Variants in CIMIP2A observed in about 807,000 individuals in gnomAD.
CIMIP2A encodes family with sequence similarity 166 member A.
At chr9:137,248,609 G>A in the CIMIP2A span, among the ~76,000 whole-genome samples, 4 of 150,430 alleles carry the variant, frequency 2.7e-5, no homozygotes, top group East Asian at 2.0e-4. Context: ...CTATAATTGC[G>A]GTGCTTTCGG....
At chr9:137,245,666 T>G in the CIMIP2A span, 2 of 1,606,512 alleles carry the variant, frequency 1.2e-6, no homozygotes, top group Non-Finnish European at 1.7e-6. Context: ...TAGGGCTCCG[T>G]CAGGTCTTGG....
the CIMIP2A span, chr9:137,252,581 T>C: frequency 2.1e-6 from 3 of 1,455,806 alleles, no homozygotes; most frequent in African/African-American, 2.8e-5. Context: ...GGGCTGGGGG[T>C]TCCAGTGGGG....
At chr9:137,251,363 G>C in the CIMIP2A span, 2 of 1,613,490 alleles carry the variant, frequency 1.2e-6, no homozygotes, top group Non-Finnish European at 1.7e-6. Context: ...TGGACCCATG[G>C]TCACCTGAGG....
At chr9:137,244,135 G>GGGGT in the CIMIP2A span, 1 of 1,593,890 alleles carries the variant, frequency 6.3e-7, no homozygotes, top group Non-Finnish European at 8.6e-7. Flanking sequence ...CACATTGGCC[G>GGGGT]GGGTGTGTCC....
chr9:137,251,647 G>A, the CIMIP2A span: 5 of 1,464,148 alleles, frequency 3.4e-6, no homozygotes, highest in South Asian at 2.6e-5. Context: ...GGAGCAGCCG[G>A]GGGCTGAGGG....
the CIMIP2A span, chr9:137,251,682 G>A: frequency 1.3e-6 from 2 of 1,533,024 alleles, no homozygotes; most frequent in South Asian, 1.2e-5. Context: ...AGGCTGTGGG[G>A]CATGTGGCTG....
At chr9:137,244,878 A>G in the CIMIP2A span, 3 of 1,569,794 alleles carry the variant, frequency 1.9e-6, no homozygotes, top group African/African-American at 4.1e-5. Flanking sequence ...GATGTGGCCA[A>G]ATGGGAACAG....
the CIMIP2A span, among the ~76,000 whole-genome samples, chr9:137,247,194 A>C: frequency 6.6e-6 from 1 of 152,238 alleles, no homozygotes; most frequent in East Asian, 1.9e-4. Flanking sequence ...CTGAGACAGG[A>C]GAATCGCTTG....
chr9:137,247,330 G>GGA, the CIMIP2A span, among the ~76,000 whole-genome samples: 1 of 152,254 alleles, frequency 6.6e-6, no homozygotes, highest in Non-Finnish European at 1.5e-5. Flanking sequence ...AGTCCTCTCT[G>GGA]GAGTGGGCGT....
At chr9:137,254,415 C>T in the CIMIP2A span, among the ~76,000 whole-genome samples, 13 of 152,274 alleles carry the variant, frequency 8.5e-5, no homozygotes, top group Admixed American at 6.5e-4. Context: ...GCTCTGCTCA[C>T]GGCTGCACCA....
the CIMIP2A span, chr9:137,251,858 G>A: frequency 5.6e-6 from 9 of 1,608,632 alleles, no homozygotes; most frequent in Non-Finnish European, 7.6e-6. Context: ...CCCCCCAGGA[G>A]TCCCTGCCCA....
At chr9:137,251,660 A>G in the CIMIP2A span, 1 of 1,492,128 alleles carries the variant, frequency 6.7e-7, no homozygotes, top group East Asian at 2.5e-5. Flanking sequence ...GCTGAGGGAC[A>G]ATAGAGGGGA....
the CIMIP2A span, chr9:137,252,670 G>A: frequency 4.5e-6 from 7 of 1,545,288 alleles, no homozygotes; most frequent in African/African-American, 4.1e-5. Context: ...AGTGGCCCTC[G>A]CCAGCCCACT....
chr9:137,252,840 C>A, the CIMIP2A span: 1 of 1,573,550 alleles, frequency 6.4e-7, no homozygotes, highest in Non-Finnish European at 8.6e-7. Context: ...TCTTTGCAGG[C>A]ACCTGGCAAG....
the CIMIP2A span, chr9:137,244,049 G>T: frequency 3.1e-5 from 34 of 1,103,084 alleles, no homozygotes; most frequent in Non-Finnish European, 4.6e-5. Context: ...CCCCAACCAA[G>T]GTGGGACCCT....
At chr9:137,253,147 G>A in the CIMIP2A span, 2 of 1,593,458 alleles carry the variant, frequency 1.3e-6, no homozygotes, top group Non-Finnish European at 1.7e-6. Context: ...CTACCACGTG[G>A]AGGACTGCAA....
the CIMIP2A span, chr9:137,252,284 C>A: frequency 1.5e-6 from 2 of 1,343,510 alleles, no homozygotes; most frequent in South Asian, 1.4e-5. Context: ...TGTAAGGAGG[C>A]CTGGAGAGAG....
At chr9:137,247,777 G>A in the CIMIP2A span, 3 of 1,508,170 alleles carry the variant, frequency 2.0e-6, no homozygotes, top group East Asian at 2.3e-5. Context: ...CCTTCCCTGA[G>A]GGGAGTCCTG....
the CIMIP2A span, among the ~76,000 whole-genome samples, chr9:137,246,493 G>A: frequency 6.6e-6 from 1 of 152,264 alleles, no homozygotes; most frequent in African/African-American, 2.4e-5. Flanking sequence ...GCCGGGCGCG[G>A]TGGCTCACGC....
Sources: allele counts gnomAD v4.1 joint callset (sites outside exome capture counted in the v4.1 genomes callset), GRCh38; gene constraint gnomAD v4.1.1; transcripts MANE v1.5; gene names NCBI Gene and HGNC (gene_info 2026-07-23, HGNC 2026-07-21).